DSE: variants seen among roughly 807,000 people sequenced by gnomAD.
DSE encodes dermatan-sulfate epimerase.
In DSE, 36 loss-of-function variants were observed where a neutral mutation model predicts 84.4. The observed-to-expected ratio is 0.43, with a 90% confidence interval of 0.33 to 0.56. DSE has a LOEUF of 0.56. DSE is among the 20% of genes least tolerant of loss of function. The pLI, the probability that DSE is intolerant of heterozygous loss-of-function variation, is 0.06. For synonymous variants in DSE, 410 were observed against 430.1 expected (o/e 0.95, Z 0.58); for missense variants, 862 against 1,169.6 (o/e 0.74, Z 3.84).
chr6:116,279,970 C>A lies in DSE; in HGVS notation c.-54+21003C>A, dbSNP rs920526755. ...GGTGTCGTCAGGACTGGAGATCTCA[C>A]GGTATCGCGAGAACTTGCTGAGCCC... On this transcript the variant is annotated intron_variant, in intron 2 of 3. Coordinates refer to the DSE transcript ENST00000430252. The A allele has an allele frequency of 1.8e-5, 23 of 1,250,800 alleles. No individual in the cohort carries two copies. The African/African-American group carries it at 2.7e-4, about 14-fold the overall frequency. 77.5% of individuals were successfully genotyped at this position (1,250,800 alleles called of 1,614,324 possible). A position where few individuals can be genotyped will look rare whatever the true frequency, so the allele number is the denominator to read the frequency against.
At chr6:116,268,568 C>G (rs1772739320) in intron 2 of DSE, among the ~76,000 whole-genome samples, 1 of 152,116 alleles carries the variant, frequency 6.6e-6, no homozygotes, top group Non-Finnish European at 1.5e-5. Flanking sequence ...GGGCACTATC[C>G]CTCACATTCA....
chr6:116,411,837 G>A (rs1392325774), intron 2 of DSE, among the ~76,000 whole-genome samples: 2 of 152,140 alleles, frequency 1.3e-5, no homozygotes. Flanking sequence ...CTGTAACTTG[G>A]TCAGAGAAGT....
intron 2 of DSE, among the ~76,000 whole-genome samples, chr6:116,265,115 C>T (rs974496746): frequency 5.3e-5 from 8 of 152,104 alleles, no homozygotes; most frequent in South Asian, 2.1e-4. Flanking sequence ...TGCTAGCAGG[C>T]GCCATGCTAG....
At chr6:116,426,448 G>T in intron 2 of DSE, 126 bp from the exon 3 acceptor site, 2 of 1,253,430 alleles carry the variant, frequency 1.6e-6, no homozygotes, top group South Asian at 3.4e-5. Context: ...AGTCAGTTGT[G>T]TGTCATTAAG....
rs1457714944 is a variant in DSE at position 116,442,804 on chromosome 6, A to C, written c.*5459A>C. On this transcript the variant is annotated 3_prime_UTR_variant, in exon 6 of 6. Transcript: ENST00000644252. ...ACACCCATCACTCAACAAGCATGGC[A>C]GCGATTTTCATGGGATAGGAAATGT... is the stretch of plus-strand genomic sequence containing the variant. 1.3e-5 allele frequency: 2 copies of C among 152,244 alleles called. No homozygotes were observed. The highest frequency in any genetic ancestry group is 2.4e-5 in the African/African-American group (1 of 41,448). 9.4% of individuals were successfully genotyped at this position (152,244 alleles called of 1,614,324 possible). A position where few individuals can be genotyped will look rare whatever the true frequency, so the allele number is the denominator to read the frequency against.
rs142949039 is a variant in DSE at position 116,307,983 on chromosome 6, G to C, written c.-54+49016G>C. On this transcript the variant is annotated intron_variant, in intron 2 of 3. Coordinates refer to the DSE transcript ENST00000430252. The stretch of plus-strand genomic sequence containing the variant: ...GAGATTGCTTTTGCTTGTTTTCTTT[G>C]TTTTTTATTTCATTCTGTACAGGGC... 2.3e-4 allele frequency among the ~76,000 whole-genome samples: 35 copies of C among 152,236 alleles called. No homozygotes were observed. In the East Asian group the frequency reaches 6.7e-3, roughly 29 times the overall value.
At chr6:116,376,022 A>G (rs1779901214) in intron 1 of DSE, among the ~76,000 whole-genome samples, 1 of 152,182 alleles carries the variant, frequency 6.6e-6, no homozygotes, top group East Asian at 1.9e-4. Flanking sequence ...TTGTGACTCC[A>G]AATTCATATT....
chr6:116,381,075 C>T (rs531070173), intron 1 of DSE, among the ~76,000 whole-genome samples: 2 of 152,182 alleles, frequency 1.3e-5, no homozygotes, highest in Non-Finnish European at 2.9e-5. Flanking sequence ...GATATAAGCA[C>T]CTTCATGGCT....
rs1003751511 is a variant in DSE at position 116,439,416 on chromosome 6, A to T, written c.*2071A>T. The T allele has an allele frequency of 4.4e-5, 6 of 136,810 alleles. No homozygotes were observed. The highest frequency in any genetic ancestry group is 1.6e-4 in the African/African-American group (6 of 38,448). 8.5% of individuals were successfully genotyped at this position (136,810 alleles called of 1,614,324 possible). A position where few individuals can be genotyped will look rare whatever the true frequency, so the allele number is the denominator to read the frequency against. ...AAATACGCATCTTTAAAACAAAATG[A>T]ATTAAAATTATGTGTTTTTTTTTTT... On this transcript the variant is annotated 3_prime_UTR_variant, in exon 6 of 6. Transcript: ENST00000644252.
intron 2 of DSE, among the ~76,000 whole-genome samples, chr6:116,323,343 T>C (rs1216136644): frequency 6.6e-6 from 1 of 152,252 alleles, no homozygotes; most frequent in Non-Finnish European, 1.5e-5. Context: ...CTCAATCTTA[T>C]TAGATTCTTC....
rs537407298 is a variant in DSE, at chr6:116,259,312, C to T, written c.-54+345C>T. 29 of 499,562 alleles carry T rather than the reference C, an allele frequency of 5.8e-5. No homozygotes were observed. The East Asian group carries it at 1.1e-3, about 18-fold the overall frequency. The allele number at this position is 499,562 out of a possible 1,614,324, so 30.9% of individuals were successfully genotyped here. On this transcript the variant is annotated intron_variant, in intron 2 of 3. Coordinates refer to the DSE transcript ENST00000430252. ...TGATAAATTAGTTAAATGGTTATAC[C>T]TGTAGACTTACCAGTGTATGAAACT...
At chr6:116,259,266 A>T in intron 2 of DSE, 1 of 572,758 alleles carries the variant, frequency 1.7e-6, no homozygotes, top group South Asian at 2.1e-5. Context: ...AAATGCTTTG[A>T]CATGCCAGCA....
chr6:116,255,335 C>T lies in DSE; in HGVS notation c.-576+1040C>T, dbSNP rs992576661. ...ACATCATATATACTGAGACTTCTAG[C>T]GAGGGAAGGAGTGTAGTTCTGGTTC... On this transcript the variant is annotated intron_variant, in intron 1 of 3. Transcript: ENST00000430252. 3.9e-5 allele frequency: 6 copies of T among 152,236 alleles called. 1 individual carries two copies. The highest frequency in any genetic ancestry group is 2.9e-5 in the Non-Finnish European group (2 of 68,032). 9.4% of individuals were successfully genotyped at this position (152,236 alleles called of 1,614,324 possible).
chr6:116,299,121 A>G (rs1463293304), intron 2 of DSE, among the ~76,000 whole-genome samples: 1 of 152,212 alleles, frequency 6.6e-6, no homozygotes, highest in African/African-American at 2.4e-5. Flanking sequence ...TAGCCAATGT[A>G]CATTAAATAT....
At chr6:116,404,986 G>GT (rs34557502) in intron 2 of DSE, among the ~76,000 whole-genome samples, 22,396 of 136,382 alleles carry the variant, frequency 0.16, 3,422 homozygotes, top group African/African-American at 0.41. Flanking sequence ...AAGTAATTGT[G>GT]TTTTTTTTTT....
At chr6:116,329,121 G>A (rs914000776) in intron 2 of DSE, among the ~76,000 whole-genome samples, 5 of 152,036 alleles carry the variant, frequency 3.3e-5, no homozygotes, top group African/African-American at 9.7e-5. Flanking sequence ...TGAATATTAC[G>A]TTTTTATTAT....
chr6:116,337,407 C>T (rs1777317718), intron 2 of DSE, among the ~76,000 whole-genome samples: 1 of 152,158 alleles, frequency 6.6e-6, no homozygotes, highest in African/African-American at 2.4e-5. Flanking sequence ...GTCAGGATTT[C>T]GAGACCAGCC....
intron 2 of DSE, among the ~76,000 whole-genome samples, chr6:116,340,300 T>C (rs944405501): frequency 2.0e-5 from 3 of 152,222 alleles, no homozygotes; most frequent in African/African-American, 7.2e-5. Flanking sequence ...AGGTCTCTTT[T>C]CTTCAGCTGG....
rs1176084918 is a variant in DSE, at chr6:116,440,241, C to G, written c.*2896C>G. 6.6e-6 allele frequency: 1 copy of G among 152,122 alleles called. No homozygotes were observed. Among genetic ancestry groups the G allele is most frequent in the Non-Finnish European group, 1.5e-5 (1 of 68,016 alleles). The allele number at this position is 152,122 out of a possible 1,614,324, so 9.4% of individuals were successfully genotyped here. ...ATGTCTTAACAGAATGTTTTGCATA[C>G]TGAATAATTTGTTTTTGAAAAGGAA... On this transcript the variant is annotated 3_prime_UTR_variant, in exon 6 of 6. Coordinates refer to ENST00000644252, the MANE Select transcript of DSE (RefSeq NM_013352.4).
Sources: gnomAD v4.1 joint callset for allele counts (sites outside exome capture counted in the v4.1 genomes callset) on GRCh38, gnomAD v4.1.1 for gene constraint, MANE v1.5 for transcripts, NCBI Gene and HGNC (gene_info 2026-07-23, HGNC 2026-07-21) for gene names.